TBC1D20: variants seen among roughly 807,000 people sequenced by gnomAD.
TBC1D20 encodes chromosome 20 open reading frame 140.
Under a neutral mutation model 41.6 loss-of-function variants are expected in TBC1D20, and 12 were observed. The ratio of observed to expected loss-of-function variants is 0.29; its 90% CI spans 0.18 to 0.47. The LOEUF is 0.47. TBC1D20 is among the 20% of genes least tolerant of loss of function. TBC1D20 has a pLI of 1.00. For missense variants in TBC1D20, 421 were observed against 517.4 expected, an observed-to-expected ratio of 0.81 and a Z score of 1.81; for synonymous variants, 205 against 204.8, an observed-to-expected ratio of 1.00 and a Z score of -0.01.
chr20:455,051 A>C (rs776275450), intron 1 of TBC1D20, among the ~76,000 whole-genome samples: 25 of 152,194 alleles, frequency 1.6e-4, no homozygotes, highest in Non-Finnish European at 1.2e-4. Flanking sequence ...AAACCCACAT[A>C]AACAGAGGCA....
intron 1 of TBC1D20, among the ~76,000 whole-genome samples, chr20:461,250 A>G (rs1047545219): frequency 6.6e-6 from 1 of 152,232 alleles, no homozygotes; most frequent in South Asian, 2.1e-4. Context: ...TTTAACTGTC[A>G]TGTATTTATT....
At chr20:442,890 G>T (rs911915636) in intron 3 of TBC1D20, among the ~76,000 whole-genome samples, 6 of 152,214 alleles carry the variant, frequency 3.9e-5, no homozygotes, top group African/African-American at 1.4e-4. Flanking sequence ...GAGGTCAGGA[G>T]ATCGAGACCA....
intron 2 of TBC1D20, among the ~76,000 whole-genome samples, chr20:447,049 A>G (rs2017346717): frequency 6.8e-6 from 1 of 148,060 alleles, no homozygotes; most frequent in African/African-American, 2.5e-5. Flanking sequence ...TTCCAGGTTC[A>G]AGCAATTCTC....
intron 1 of TBC1D20, among the ~76,000 whole-genome samples, chr20:449,455 C>A (rs1268259232): frequency 6.6e-6 from 1 of 151,066 alleles, no homozygotes; most frequent in Admixed American, 6.6e-5. Context: ...ATTAGCCAGG[C>A]GTGGTGGCAT....
intron 2 of TBC1D20, among the ~76,000 whole-genome samples, chr20:445,513 T>C (rs2017315016): frequency 6.6e-6 from 1 of 151,106 alleles, no homozygotes; most frequent in Non-Finnish European, 1.5e-5. Flanking sequence ...ATCATGAATG[T>C]GGGAACAACA....
chr20:436,622 A>G lies in TBC1D20; in HGVS notation c.*1964T>C, dbSNP rs975546465. ...GAGGGGCAGCTGGTGCCGCCCACTG[A>G]GAGGATGACAAGAGGGCCAGCTTGC... On this transcript the variant is annotated 3_prime_UTR_variant, in exon 8 of 8. Transcript: ENST00000354200. The G allele has an allele frequency of 2.6e-5, 4 of 153,734 alleles. No individual in the cohort carries two copies. The highest frequency in any genetic ancestry group is 9.7e-5 in the African/African-American group (4 of 41,438). 9.5% of individuals were successfully genotyped at this position (153,734 alleles called of 1,614,324 possible). A position where few individuals can be genotyped will look rare whatever the true frequency, so the allele number is the denominator to read the frequency against.
chr20:448,122 T>C, intron 1 of TBC1D20, 48 bp from the exon 2 acceptor site: 2 of 1,439,696 alleles, frequency 1.4e-6, no homozygotes, highest in East Asian at 2.3e-5. Flanking sequence ...AGCACGTGCA[T>C]ATTTTCTGCC....
rs1365157198 is a variant in TBC1D20, at chr20:437,216, T to C, written c.*1370A>G. ...CTGGCACGTGGGACACCCTCCACCC[T>C]GCACACAACAGGCATGCAAAGAGGA... is the stretch of plus-strand genomic sequence containing the variant. On this transcript the variant is annotated 3_prime_UTR_variant, in exon 8 of 8. Transcript: ENST00000354200. 1 of 152,648 alleles carries C rather than the reference T, an allele frequency of 6.6e-6. No individual in the cohort carries two copies. The highest frequency in any genetic ancestry group is 1.5e-5 in the Non-Finnish European group (1 of 68,070). 9.5% of individuals were successfully genotyped at this position (152,648 alleles called of 1,614,324 possible). A position where few individuals can be genotyped will look rare whatever the true frequency, so the allele number is the denominator to read the frequency against.
At position 438,522 on chromosome 20, in the gene TBC1D20, T is replaced by G; in HGVS notation, c.*64A>C. The G allele has an allele frequency of 2.6e-6, 4 of 1,564,416 alleles. No individual in the cohort carries two copies. Among genetic ancestry groups the G allele is most frequent in the Non-Finnish European group, 3.5e-6 (4 of 1,146,228 alleles). ...CTTTTAATAAAGGAAATTCCACCCC[T>G]CCCAATCCTTCCATGGAAGGGTGAG... On this transcript the variant is annotated 3_prime_UTR_variant, in exon 8 of 8. Transcript: ENST00000354200.
Position 448,053 on chromosome 20 carries a change from T to C in TBC1D20, c.92A>G (p.Lys31Arg). The stretch of plus-strand genomic sequence containing the variant: ...AGCCTGGTGTATCTCTGCCACTTTC[T>C]TTTTCCTTTTGGCGTTAAAGTCTGA... ...EKADFNAKRKKKVAEIHQALN... is the reference protein window; with the variant it reads ...EKADFNAKRKRKVAEIHQALN... Residue 31 changes from lysine to arginine, a missense_variant, in exon 2 of 8, where the codon AAG becomes AGG. By Grantham distance (26) the Lys-to-Arg change is conservative. Around this residue, in one of 3 missense-constraint regions of TBC1D20, gnomAD observed 150 missense variants for 151.3 expected, o/e 0.99. Coordinates refer to ENST00000354200, the MANE Select transcript of TBC1D20 (RefSeq NM_144628.4). 6.2e-7 allele frequency: 1 copy of C among 1,612,538 alleles called. No individual in the cohort carries two copies. Among genetic ancestry groups the C allele is most frequent in the Non-Finnish European group, 8.5e-7 (1 of 1,178,734 alleles).
chr20:447,817 T>G (rs1190675040), intron 2 of TBC1D20, 72 bp downstream of exon 2: 1 of 1,362,730 alleles, frequency 7.3e-7, no homozygotes, highest in Admixed American at 2.3e-5. Flanking sequence ...CCATAAAAAT[T>G]AAAGATCCTG....
Position 444,479 on chromosome 20 carries a change from TGAAAATTGA to T in TBC1D20, c.337+562_337+570del, listed in dbSNP as rs543078158. Among the ~76,000 whole-genome samples, 425 of 152,368 alleles carry T rather than the reference TGAAAATTGA, an allele frequency of 2.8e-3. 2 individuals carry two copies. Among genetic ancestry groups the T allele is most frequent in the African/African-American group, 9.9e-3 (413 of 41,582 alleles). ...GTTTGTTGCCCAGTTCCCTTCACTG[TGAAAATTGA>T]GACAACGGTCCTTCTTTTCTTTCTT... On this transcript the variant is annotated intron_variant, in intron 3 of 7. Coordinates refer to ENST00000354200, the MANE Select transcript of TBC1D20 (RefSeq NM_144628.4).
intron 1 of TBC1D20, among the ~76,000 whole-genome samples, chr20:457,082 A>G (rs1223113523): frequency 2.0e-5 from 3 of 151,570 alleles, no homozygotes; most frequent in Non-Finnish European, 2.9e-5. Context: ...GATTACAGGC[A>G]TGCACCACCA....
At chr20:450,324 T>G in intron 1 of TBC1D20, among the ~76,000 whole-genome samples, 1 of 151,954 alleles carries the variant, frequency 6.6e-6, no homozygotes, top group Non-Finnish European at 1.5e-5. Flanking sequence ...AATTTTTTTT[T>G]TTTTTTAGAC....
chr20:458,780 T>C (rs2017583319), intron 1 of TBC1D20, among the ~76,000 whole-genome samples: 1 of 152,208 alleles, frequency 6.6e-6, no homozygotes, highest in African/African-American at 2.4e-5. Context: ...ATTTTTCCCA[T>C]ACTGTTAAGG....
In TBC1D20 at chr20:438,864, G is replaced by T. The variant is rs920646083; in HGVS notation, c.957-23C>A. ...GTCCTGCAGGGGAAAGAGACGGAAGGAAGGAAGTGGTATGAAAGAGGAGGA... is the reference window on the plus strand; with the variant it reads ...GTCCTGCAGGGGAAAGAGACGGAAGTAAGGAAGTGGTATGAAAGAGGAGGA... On this transcript the variant is annotated intron_variant, in intron 7 of 7. Coordinates refer to ENST00000354200, the MANE Select transcript of TBC1D20 (RefSeq NM_144628.4). 5.0e-6 allele frequency: 8 copies of T among 1,608,978 alleles called. No homozygotes were observed. In the African/African-American group the frequency reaches 1.1e-4, roughly 22 times the overall value.
intron 1 of TBC1D20, among the ~76,000 whole-genome samples, chr20:451,063 CAGT>C (rs1181101929): frequency 1.3e-5 from 2 of 152,244 alleles, no homozygotes; most frequent in South Asian, 4.1e-4. Context: ...CGTCACAAGG[CAGT>C]AGACTATAAT....
intron 2 of TBC1D20, 142 bp downstream of exon 2, chr20:447,747 T>C (rs2017363132): frequency 1.9e-6 from 1 of 537,074 alleles, no homozygotes. Context: ...ATTTTCAGAG[T>C]GGGCCCAAGC....
At chr20:452,078 G>A (rs1473064416) in intron 1 of TBC1D20, among the ~76,000 whole-genome samples, 1 of 152,186 alleles carries the variant, frequency 6.6e-6, no homozygotes, top group Non-Finnish European at 1.5e-5. Flanking sequence ...GGAGGCTGAG[G>A]CAGGCAGATC....
Sources: allele counts gnomAD v4.1 joint callset (sites outside exome capture counted in the v4.1 genomes callset), GRCh38; gene constraint gnomAD v4.1.1; regional missense constraint gnomAD v4.1.1; transcripts MANE v1.5; gene names NCBI Gene and HGNC (gene_info 2026-07-23, HGNC 2026-07-21).